MTERF4: variants seen among roughly 807,000 people sequenced by gnomAD.
The protein encoded by MTERF4 is mitochondrial transcription termination factor 4.
In MTERF4, 17 loss-of-function variants were observed where a neutral mutation model predicts 22.5. The ratio of observed to expected loss-of-function variants is 0.75; its 90% CI spans 0.52 to 1.13. The LOEUF (loss-of-function observed/expected upper bound fraction) is 1.13. Among genes scored for constraint, MTERF4 ranks in the 50% most tolerant of loss-of-function variants. The pLI, the probability that MTERF4 is intolerant of heterozygous loss-of-function variation, is 0.00. For synonymous variants in MTERF4, 165 were observed against 175.3 expected, an observed-to-expected ratio of 0.94 and a Z score of 0.47; for missense variants, 420 against 466.8, an observed-to-expected ratio of 0.90 and a Z score of 0.92.
downstream of MTERF4, among the ~76,000 whole-genome samples, chr2:241,068,594 G>T (rs12993047): frequency 6.6e-6 from 1 of 151,788 alleles, no homozygotes; most frequent in African/African-American, 2.4e-5. This position sits in a 1 kb window ranked among gnomAD's most constrained non-coding sequence, Gnocchi z 5.3. Context: ...CTGAGGGCCC[G>T]TCCCCCATCC....
intron 1 of MTERF4, among the ~76,000 whole-genome samples, chr2:241,100,348 G>A (rs1369035174): frequency 2.0e-5 from 3 of 152,082 alleles, no homozygotes; most frequent in Non-Finnish European, 2.9e-5. Flanking sequence ...ATTTTCTTCC[G>A]CCTCTGCCAC....
downstream of MTERF4, among the ~76,000 whole-genome samples, chr2:241,083,936 G>C (rs1419842424): frequency 1.5e-5 from 2 of 131,198 alleles, no homozygotes; most frequent in African/African-American, 3.1e-5. Context: ...CCTGCTTTTT[G>C]TTCCTTTTTT....
chr2:241,049,754 C>A, the MTERF4 span: 1 of 1,317,220 alleles, frequency 7.6e-7, no homozygotes. Flanking sequence ...TGCCCGCCAG[C>A]CTCTTGCCGC....
chr2:241,056,675 G>T, the MTERF4 span, among the ~76,000 whole-genome samples: 1 of 140,356 alleles, frequency 7.1e-6, no homozygotes, highest in Admixed American at 7.9e-5. Flanking sequence ...CCGCCTCCTG[G>T]GTTCACGCCA....
At chr2:241,053,166 C>T in the MTERF4 span, 1 of 1,609,920 alleles carries the variant, frequency 6.2e-7, no homozygotes, top group Non-Finnish European at 8.5e-7. Context: ...TGGACTGCGG[C>T]CCCCCGGAGG....
At position 241,095,846 on chromosome 2, in the gene MTERF4, T is replaced by C. The variant is rs2064375156; in HGVS notation, c.*152A>G. 2.1e-6 allele frequency: 3 copies of C among 1,404,346 alleles called. No homozygotes were observed. The highest frequency in any genetic ancestry group is 2.9e-6 in the Non-Finnish European group (3 of 1,044,370). 87.0% of individuals were successfully genotyped at this position (1,404,346 alleles called of 1,614,324 possible). The stretch of plus-strand genomic sequence containing the variant: ...TCCTGTTTGGTTTGATCTGTCTGCC[T>C]CTCAGGTGACTTATAATTTTTTTCA... On this transcript the variant is annotated 3_prime_UTR_variant, in exon 4 of 4. Coordinates refer to ENST00000391980, the MANE Select transcript of MTERF4 (RefSeq NM_182501.4).
At chr2:241,097,625 C>CT (rs1575190857) in intron 2 of MTERF4, among the ~76,000 whole-genome samples, 198 bp from the exon 3 acceptor site, 1 of 152,324 alleles carries the variant, frequency 6.6e-6, no homozygotes, top group East Asian at 1.9e-4. Context: ...TCCTGACACT[C>CT]CTCAGACTCA....
At chr2:241,049,144 C>T in the MTERF4 span, 1 of 1,604,684 alleles carries the variant, frequency 6.2e-7, no homozygotes. Context: ...CTGTGAGTAG[C>T]TCGGGGACGA....
chr2:241,048,789 C>G, the MTERF4 span: 2 of 1,557,978 alleles, frequency 1.3e-6, no homozygotes, highest in Non-Finnish European at 1.8e-6. Flanking sequence ...GTCACCCTTC[C>G]TGCCCTGTCC....
At chr2:241,091,588 T>A (rs2064007678), downstream of MTERF4, 1 of 151,950 alleles carries the variant, frequency 6.6e-6, no homozygotes, top group South Asian at 2.1e-4. This position sits in a 1 kb window ranked among gnomAD's most constrained non-coding sequence, Gnocchi z 4.1. Context: ...TAAAGAGGAG[T>A]GGGAATGCCT....
downstream of MTERF4, chr2:241,069,993 G>A (rs778440237): frequency 1.4e-5 from 22 of 1,612,848 alleles, no homozygotes; most frequent in South Asian, 6.6e-5. This position sits in a 1 kb window ranked among gnomAD's most constrained non-coding sequence, Gnocchi z 4.9. Flanking sequence ...GGGATGCCCC[G>A]ACTCCAGGCA....
chr2:241,090,994 A>G (rs1222822513), downstream of MTERF4, among the ~76,000 whole-genome samples: 1 of 152,210 alleles, frequency 6.6e-6, no homozygotes, highest in Non-Finnish European at 1.5e-5. Flanking sequence ...TACTAGGATT[A>G]AGAATCCACA....
At position 241,095,797 on chromosome 2, in the gene MTERF4, C is replaced by G; in HGVS notation, c.*201G>C. 3.2e-6 allele frequency: 3 copies of G among 924,592 alleles called. No homozygotes were observed. Among genetic ancestry groups the G allele is most frequent in the Non-Finnish European group, 4.8e-6 (3 of 619,358 alleles). The allele number at this position is 924,592 out of a possible 1,614,324, so 57.3% of individuals were successfully genotyped here. ...GGCCCTCCCCACAGACACGTGACAA[C>G]AGATCAAACATGCATTTCCTGTTTC... On this transcript the variant is annotated 3_prime_UTR_variant, in exon 4 of 4. Coordinates refer to ENST00000391980, the MANE Select transcript of MTERF4 (RefSeq NM_182501.4).
downstream of MTERF4, chr2:241,071,701 A>ACCCCCCCC: frequency 7.8e-7 from 1 of 1,281,750 alleles, no homozygotes; most frequent in Non-Finnish European, 1.1e-6. Flanking sequence ...CGCCCCCGAG[A>ACCCCCCCC]CCCCCACCCA....
chr2:241,049,526 T>C, the MTERF4 span, among the ~76,000 whole-genome samples: 9 of 152,204 alleles, frequency 5.9e-5, no homozygotes, highest in Non-Finnish European at 1.3e-4. Context: ...TATAGAATAA[T>C]GATGTGATGC....
chr2:241,074,448 AAAAC>A (rs140109286), exon 5 of MTERF4: 1 of 152,194 alleles, frequency 6.6e-6, no homozygotes, highest in Non-Finnish European at 1.5e-5. Flanking sequence ...TAAGTGAACT[AAAAC>A]AAACATTTCA....
At chr2:241,053,342 C>G in the MTERF4 span, 1 of 1,550,620 alleles carries the variant, frequency 6.4e-7, no homozygotes, top group Non-Finnish European at 8.7e-7. Flanking sequence ...TCTGTGGGCC[C>G]TTGGGGTGGG....
At chr2:241,080,361 T>C (rs953932651) in intron 4 of MTERF4, among the ~76,000 whole-genome samples, 1 of 152,208 alleles carries the variant, frequency 6.6e-6, no homozygotes, top group African/African-American at 2.4e-5. Flanking sequence ...ACTCATAATG[T>C]GTTTATTTTT....
At chr2:241,062,950 G>A in the MTERF4 span, 1 of 1,279,490 alleles carries the variant, frequency 7.8e-7, no homozygotes, top group Non-Finnish European at 1.1e-6. Context: ...GCAGCACACT[G>A]GCCATGTGCC....
Sources: gnomAD v4.1 joint callset for allele counts (sites outside exome capture counted in the v4.1 genomes callset) on GRCh38, gnomAD v4.1.1 for gene constraint, Gnocchi (gnomAD v3.1) non-coding constraint, MANE v1.5 for transcripts, NCBI Gene and HGNC (gene_info 2026-07-23, HGNC 2026-07-21) for gene names.